Variants in WT1 observed in about 807,000 individuals in gnomAD.
WT1 encodes the protein Wilms tumor protein.
WT1 carries 8 observed loss-of-function variants against 60.8 expected under a neutral mutation model. The observed-to-expected ratio is 0.13, with a 90% CI of 0.08 to 0.24. The LOEUF (loss-of-function observed/expected upper bound fraction) is 0.24. Ranked by LOEUF, WT1 falls within the 10% of genes least tolerant of loss-of-function variation. WT1 has a pLI of 1.00. For missense variants in WT1, 568 were observed against 711.8 expected (o/e 0.80, Z 2.30); for synonymous variants, 312 against 297.1 (o/e 1.05, Z -0.52).
intron 3 of WT1, among the ~76,000 whole-genome samples, chr11:32,423,046 A>T (rs886569938): frequency 1.5e-4 from 23 of 152,222 alleles, no homozygotes; most frequent in African/African-American, 5.5e-4. Flanking sequence ...CAGCAAAAAG[A>T]TGAGGCAAAG....
At chr11:32,421,845 C>G (rs926369484) in intron 3 of WT1, among the ~76,000 whole-genome samples, 1 of 152,200 alleles carries the variant, frequency 6.6e-6, no homozygotes, top group Non-Finnish European at 1.5e-5. Flanking sequence ...TTTGTGTCAT[C>G]AAGGGAATAG....
chr11:32,400,159 T>C, intron 5 of WT1, 115 bp from the exon 6 acceptor site: 1 of 1,366,726 alleles, frequency 7.3e-7, no homozygotes, highest in Non-Finnish European at 1.0e-6. Context: ...ACAAAAATAG[T>C]TGGTTTTTGC....
At chr11:32,427,810 TA>T in intron 3 of WT1, 145 bp downstream of exon 3, 1 of 595,678 alleles carries the variant, frequency 1.7e-6, no homozygotes, top group Non-Finnish European at 2.9e-6. Flanking sequence ...CTCTAAGTAG[TA>T]GAGTGGAGTC....
chr11:32,411,460 G>C (rs1852495860), intron 5 of WT1, among the ~76,000 whole-genome samples: 1 of 152,132 alleles, frequency 6.6e-6, no homozygotes, highest in Non-Finnish European at 1.5e-5. Flanking sequence ...TTGTAAGAAA[G>C]AAAATGACAC....
rs2132913356 is a variant in WT1, at chr11:32,391,953, T to C, written c.1447+19A>G. The C allele has an allele frequency of 2.5e-6, 4 of 1,606,138 alleles. No individual in the cohort carries two copies. The highest frequency in any genetic ancestry group is 2.6e-6 in the Non-Finnish European group (3 of 1,172,860). ...TTAAAAAAATAATGAAAAATAAATG[T>C]GAAGAAAAGTTTACGCACTTGTTTT... On this transcript the variant is annotated intron_variant, in intron 9 of 9. Coordinates refer to ENST00000452863, the MANE Select transcript of WT1 (RefSeq NM_024426.6).
At chr11:32,390,463 G>A (rs915740350) in intron 9 of WT1, among the ~76,000 whole-genome samples, 1 of 152,196 alleles carries the variant, frequency 6.6e-6, no homozygotes, top group Non-Finnish European at 1.5e-5. Flanking sequence ...AGCATCAAAG[G>A]CACCTGAGGA....
rs761622301 is a variant in WT1 at position 32,430,486 on chromosome 11, G to GAGAGAGAGAGAC, written c.662-1868_662-1867insGTCTCTCTCTCT. The GAGAGAGAGAGAC allele has an allele frequency of 1.9e-5, 30 of 1,573,666 alleles. No homozygotes were observed. The African/African-American group carries it at 3.7e-4, about 19-fold the overall frequency. ...AGAGAGAGAGAGAGAGAGAGAGAGA[G>GAGAGAGAGAGAC]AGAGACGAAATAGAAGCTACGAAGA... On this transcript the variant is annotated intron_variant, in intron 1 of 9. Transcript: ENST00000452863.
Position 32,388,804 on chromosome 11 carries a change from T to C in WT1, c.*254A>G, listed in dbSNP as rs1851734420. 1.7e-6 allele frequency: 1 copy of C among 580,070 alleles called. No individual in the cohort carries two copies. The highest frequency in any genetic ancestry group is 3.1e-5 in the Admixed American group (1 of 32,210). The allele number at this position is 580,070 out of a possible 1,614,324, so 35.9% of individuals were successfully genotyped here. ...GTAGAAAATCCACACCAAATGGCAA[T>C]GGGCTTTTAACTAACCAGACATTGT... is the stretch of plus-strand genomic sequence containing the variant. On this transcript the variant is annotated 3_prime_UTR_variant, in exon 10 of 10. Transcript: ENST00000452863.
At chr11:32,430,837 CTT>C (rs993471090) in intron 1 of WT1, 3 of 1,270,084 alleles carry the variant, frequency 2.4e-6, no homozygotes, top group Non-Finnish European at 3.0e-6. Flanking sequence ...AGGGAGGTCT[CTT>C]TTAATTAGAA....
In WT1 at chr11:32,391,292, CTACT is replaced by C. The variant is rs1485744474; in HGVS notation, c.1447+676_1447+679del. Among the ~76,000 whole-genome samples the C allele has an allele frequency of 4.6e-5, 7 of 152,302 alleles. 1 individual carries two copies. The highest frequency in any genetic ancestry group is 1.7e-4 in the African/African-American group (7 of 41,584). On this transcript the variant is annotated intron_variant, in intron 9 of 9. Transcript: ENST00000452863. The stretch of plus-strand genomic sequence containing the variant: ...CCACCACAGCCGGTCCTACCTTACT[CTACT>C]TACAAGCATGTTGTGAAGATAGACT...
chr11:32,399,588 C>T lies in WT1; in HGVS notation c.1113+360G>A, dbSNP rs534238227. 3.0e-4 allele frequency among the ~76,000 whole-genome samples: 46 copies of T among 152,176 alleles called. 1 individual carries two copies. The highest frequency in any genetic ancestry group is 1.1e-3 in the Admixed American group (17 of 15,276). The stretch of plus-strand genomic sequence containing the variant: ...TGTGAGTCTACCTGTGGACACTTTA[C>T]GATGTAGACCAAATCTTAGAAGTCA... On this transcript the variant is annotated intron_variant, in intron 6 of 9. Coordinates refer to ENST00000452863, the MANE Select transcript of WT1 (RefSeq NM_024426.6).
At chr11:32,422,672 T>C (rs1196321470) in intron 3 of WT1, among the ~76,000 whole-genome samples, 1 of 152,216 alleles carries the variant, frequency 6.6e-6, no homozygotes, top group Non-Finnish European at 1.5e-5. Context: ...GTTTCTCTCA[T>C]ATGAAAAATA....
intron 5 of WT1, among the ~76,000 whole-genome samples, chr11:32,410,022 G>A (rs1852446317): frequency 6.6e-6 from 1 of 152,124 alleles, no homozygotes; most frequent in African/African-American, 2.4e-5. Context: ...CGCCTCCTGG[G>A]TTCAAGCAAT....
At chr11:32,430,400 TAA>T (rs1221927426) in intron 1 of WT1, 143 of 1,281,026 alleles carry the variant, frequency 1.1e-4, no homozygotes, top group East Asian at 7.9e-4. Context: ...GAAAGGACAC[TAA>T]AAAGAGAGAG....
At chr11:32,430,912 G>A (rs562516472) in intron 1 of WT1, 6 of 1,086,804 alleles carry the variant, frequency 5.5e-6, no homozygotes, top group South Asian at 4.2e-5. Flanking sequence ...GGCCTGGCGC[G>A]GAGAGTGCGG....
At chr11:32,406,308 GTGCAACCTAGA>G (rs1852307533) in intron 5 of WT1, among the ~76,000 whole-genome samples, 1 of 152,076 alleles carries the variant, frequency 6.6e-6, no homozygotes, top group African/African-American at 2.4e-5. Flanking sequence ...TATAAGGAGA[GTGCAACCTAGA>G]TCCCTCACAT....
At chr11:32,393,952 G>A (rs1028088346) in intron 7 of WT1, among the ~76,000 whole-genome samples, 2 of 152,156 alleles carry the variant, frequency 1.3e-5, no homozygotes, top group African/African-American at 4.8e-5. Context: ...AAGCGCAGTG[G>A]TGTGAGCCTA....
In WT1 at chr11:32,428,501, C is replaced by A. The variant is rs1403311573; in HGVS notation, c.780G>T (p.Ser260=). The A allele has an allele frequency of 2.5e-6, 4 of 1,613,952 alleles. No individual in the cohort carries two copies. The highest frequency in any genetic ancestry group is 3.4e-6 in the Non-Finnish European group (4 of 1,180,040). ...CACTTGGTTCCGCTCGCTTACCCAG[C>A]GAGCCCTGCTGGCCCATGGGATCCT... The change falls in exon 2 of 10, where the codon TCG becomes TCT. Residue 260 remains serine, a synonymous_variant. Transcript: ENST00000452863.
intron 7 of WT1, among the ~76,000 whole-genome samples, chr11:32,393,100 C>T (rs5030285): frequency 0.014 from 2,092 of 152,232 alleles, 46 homozygotes; most frequent in African/African-American, 0.048. Context: ...GCATAGAAGG[C>T]GTGCTCAAAA....
Sources: gnomAD v4.1 joint callset for allele counts (sites outside exome capture counted in the v4.1 genomes callset) on GRCh38, gnomAD v4.1.1 for gene constraint, MANE v1.5 for transcripts, NCBI Gene and HGNC (gene_info 2026-07-23, HGNC 2026-07-21) for gene names.